The following WDFY4 variants were observed in gnomAD, a reference collection of about 807,000 sequenced individuals.
The protein encoded by WDFY4 is WDFY family member 4, also known as WD repeat- and FYVE domain-containing protein 4.
Under a neutral mutation model 351.9 loss-of-function variants are expected in WDFY4, and 169 were observed. That is an observed-to-expected ratio of 0.48 (90% CI 0.42 to 0.55). The LOEUF is 0.55. Among genes scored for constraint, WDFY4 ranks in the 20% least tolerant of loss-of-function variants. The pLI, the probability that WDFY4 is intolerant of heterozygous loss-of-function variation, is 0.00. For synonymous variants in WDFY4, 1,622 were observed against 1,574.6 expected (o/e 1.03, Z -0.71); for missense variants, 3,803 against 3,935.6 (o/e 0.97, Z 0.90).
Position 48,778,836 on chromosome 10 carries a change from A to G in WDFY4, c.3397+4A>G. The G allele has an allele frequency of 6.5e-7, 1 of 1,549,112 alleles. No individual in the cohort carries two copies. Among genetic ancestry groups the G allele is most frequent in the Non-Finnish European group, 8.7e-7 (1 of 1,146,972 alleles). On this transcript the variant is annotated splice_donor_region_variant and intron_variant, in intron 18 of 61. Transcript: ENST00000325239. Reference sequence around the variant, plus strand: ...GAGAAGGAGTTTCAGCCTCTGGGTAAGGTGCTGGGATCCAAAGCCAGTTTC... The same window carrying G: ...GAGAAGGAGTTTCAGCCTCTGGGTAGGGTGCTGGGATCCAAAGCCAGTTTC...
chr10:48,866,449 G>A (rs368196036), intron 39 of WDFY4, among the ~76,000 whole-genome samples: 1 of 152,164 alleles, frequency 6.6e-6, no homozygotes, highest in Non-Finnish European at 1.5e-5. Context: ...GACATGCTTT[G>A]TATTATGTCT....
chr10:48,927,641 C>G (rs1839685563), intron 47 of WDFY4, among the ~76,000 whole-genome samples: 1 of 152,336 alleles, frequency 6.6e-6, no homozygotes, highest in South Asian at 2.1e-4. Flanking sequence ...ACTTCTCTAT[C>G]CTTCGCACCA....
intron 13 of WDFY4, among the ~76,000 whole-genome samples, chr10:48,764,190 T>G (rs1168156148): frequency 1.3e-5 from 2 of 152,208 alleles, no homozygotes; most frequent in Non-Finnish European, 2.9e-5. Flanking sequence ...GGCCACAACT[T>G]AACCTTATGG....
intron 39 of WDFY4, among the ~76,000 whole-genome samples, chr10:48,835,878 C>A (rs778305253): frequency 6.6e-6 from 1 of 152,194 alleles, no homozygotes; most frequent in Non-Finnish European, 1.5e-5. Flanking sequence ...AAATTAACTG[C>A]ATCTTTGCTT....
intron 39 of WDFY4, among the ~76,000 whole-genome samples, chr10:48,860,875 C>T (rs1449219889): frequency 1.3e-5 from 2 of 151,930 alleles, no homozygotes; most frequent in African/African-American, 4.8e-5. Flanking sequence ...AATTATGTAT[C>T]GAGGACACAT....
At chr10:48,787,977 TCTTCTTCTCCTTCTC>T (rs2066539195) in intron 20 of WDFY4, among the ~76,000 whole-genome samples, 1 of 92,242 alleles carries the variant, frequency 1.1e-5, no homozygotes, top group African/African-American at 3.6e-5. Context: ...TTCTTCTTCT[TCTTCTTCTCCTTCTC>T]CTTCTCCTTC....
chr10:48,714,876 C>T (rs182536321), intron 2 of WDFY4, among the ~76,000 whole-genome samples: 14 of 152,322 alleles, frequency 9.2e-5, no homozygotes, highest in Non-Finnish European at 1.9e-4. Context: ...AATGGGCTCA[C>T]ACTCCTCCCT....
chr10:48,730,620 C>T (rs753110112), intron 8 of WDFY4, among the ~76,000 whole-genome samples: 2 of 152,116 alleles, frequency 1.3e-5, no homozygotes, highest in African/African-American at 2.4e-5. Context: ...GATTTTAATC[C>T]GCTGAAACCA....
chr10:48,874,993 G>C, intron 41 of WDFY4, 96 bp from the exon 42 acceptor site: 1 of 618,818 alleles, frequency 1.6e-6, no homozygotes, highest in Non-Finnish European at 2.5e-6. Context: ...GGGGTCACAT[G>C]CATGTGCGTG....
intron 35 of WDFY4, among the ~76,000 whole-genome samples, chr10:48,824,543 T>G (rs1290088680): frequency 6.6e-6 from 1 of 152,182 alleles, no homozygotes; most frequent in African/African-American, 2.4e-5. Flanking sequence ...TTAACACAAA[T>G]TTTCACCCAA....
chr10:48,905,660 C>T (rs1409880160), intron 47 of WDFY4, among the ~76,000 whole-genome samples: 1 of 152,218 alleles, frequency 6.6e-6, no homozygotes, highest in South Asian at 2.1e-4. Flanking sequence ...GAATGCTCAT[C>T]TCAGTTCATG....
At chr10:48,916,829 C>G (rs59439592) in intron 47 of WDFY4, among the ~76,000 whole-genome samples, 17,714 of 40,066 alleles carry the variant, frequency 0.44, 2,661 homozygotes, top group African/African-American at 0.52. Context: ...TACTACAGAC[C>G]CCTAGGTGCT....
chr10:48,778,747 A>G lies in WDFY4; in HGVS notation c.3312A>G (p.Gln1104=). 1 of 1,551,566 alleles carries G rather than the reference A, an allele frequency of 6.4e-7. No homozygotes were observed. Among genetic ancestry groups the G allele is most frequent in the Non-Finnish European group, 8.7e-7 (1 of 1,146,998 alleles). ...TGCGCCACCTGGCCAGGACTGAGCA[A>G]CCCTTTGTTTGCTTCTCCGTCAGCC... ...TLVRHLARTE[Q]PFVCFSVSLC... Residue 1104 remains glutamine, a synonymous_variant, in exon 18 of 62, where the codon CAA becomes CAG. Coordinates refer to ENST00000325239, the MANE Select transcript of WDFY4 (RefSeq NM_001394531.1).
intron 1 of WDFY4, among the ~76,000 whole-genome samples, chr10:48,691,923 A>G (rs899120087): frequency 1.3e-5 from 2 of 152,232 alleles, no homozygotes; most frequent in Non-Finnish European, 2.9e-5. Flanking sequence ...AGGGTGGCAG[A>G]TGCTATAACA....
chr10:48,937,388 T>C (rs2671714), intron 47 of WDFY4, among the ~76,000 whole-genome samples: 141,976 of 152,258 alleles, frequency 0.93, 66,479 homozygotes, highest in East Asian at 1. Flanking sequence ...TCTTCAGTGT[T>C]AGGGTCCTGG....
chr10:48,799,705 G>A (rs950262786), intron 24 of WDFY4, among the ~76,000 whole-genome samples: 2 of 152,078 alleles, frequency 1.3e-5, no homozygotes, highest in East Asian at 1.9e-4. Flanking sequence ...CCCATAAGGG[G>A]GAGGTTGCAG....
At chr10:48,895,501 G>A (rs995948476) in intron 44 of WDFY4, among the ~76,000 whole-genome samples, 3 of 152,208 alleles carry the variant, frequency 2.0e-5, no homozygotes, top group Non-Finnish European at 4.4e-5. Flanking sequence ...TGCTTGGGAG[G>A]CCTTCGTTTC....
At chr10:48,939,003 C>G (rs576563151) in intron 47 of WDFY4, among the ~76,000 whole-genome samples, 1 of 152,302 alleles carries the variant, frequency 6.6e-6, no homozygotes, top group East Asian at 1.9e-4. Flanking sequence ...CTTCTCTGCT[C>G]CACCCCAAGT....
At chr10:48,975,762 A>G (rs1842541099) in intron 58 of WDFY4, among the ~76,000 whole-genome samples, 1 of 152,048 alleles carries the variant, frequency 6.6e-6, no homozygotes, top group Admixed American at 6.6e-5. Flanking sequence ...GGATGAATGG[A>G]TAGATGGATG....
Sources: allele counts gnomAD v4.1 joint callset (sites outside exome capture counted in the v4.1 genomes callset), GRCh38; gene constraint gnomAD v4.1.1; transcripts MANE v1.5; gene names NCBI Gene and HGNC (gene_info 2026-07-23, HGNC 2026-07-21).